Variants in NCKAP5 observed in about 807,000 individuals in gnomAD.
NCKAP5 encodes the protein nck-associated protein 5.
Under a neutral mutation model 167.0 loss-of-function variants are expected in NCKAP5, and 92 were observed. That is an observed-to-expected ratio of 0.55 (90% confidence interval 0.47 to 0.66). The LOEUF is 0.66. NCKAP5 is among the 30% of genes least tolerant of loss of function. The pLI, the probability that NCKAP5 is intolerant of heterozygous loss-of-function variation, is 0.00. For missense variants in NCKAP5, 2,378 were observed against 2,315.0 expected, an observed-to-expected ratio of 1.03 and a Z score of -0.56; for synonymous variants, 891 against 877.4, an observed-to-expected ratio of 1.02 and a Z score of -0.27.
At chr2:133,632,345 C>T in the NCKAP5 span, among the ~76,000 whole-genome samples, 8 of 151,832 alleles carry the variant, frequency 5.3e-5, no homozygotes, top group Admixed American at 1.3e-4. Context: ...TTTTTGCCTT[C>T]GGCAAATTAG....
At chr2:133,048,252 A>G (rs2079478145) in intron 6 of NCKAP5, among the ~76,000 whole-genome samples, 1 of 152,188 alleles carries the variant, frequency 6.6e-6, no homozygotes, top group Admixed American at 6.5e-5. Context: ...GAACTGGGGT[A>G]CATGTTCTAG....
At chr2:133,201,873 A>G (rs1214872554) in intron 5 of NCKAP5, among the ~76,000 whole-genome samples, 1 of 152,176 alleles carries the variant, frequency 6.6e-6, no homozygotes, top group Admixed American at 6.6e-5. Context: ...CCACTGCTCA[A>G]CGAAATAAAA....
intron 3 of NCKAP5, among the ~76,000 whole-genome samples, chr2:133,319,361 TG>T: frequency 6.6e-6 from 1 of 152,196 alleles, no homozygotes; most frequent in East Asian, 1.9e-4. Context: ...GCTGCCCTGC[TG>T]TGAAGCCTAT....
chr2:133,053,159 C>T (rs935036135), intron 6 of NCKAP5, among the ~76,000 whole-genome samples: 3 of 152,196 alleles, frequency 2.0e-5, no homozygotes, highest in Non-Finnish European at 4.4e-5. Context: ...GTAAACCATT[C>T]TTCACAGCTT....
chr2:133,510,619 C>A (rs1183884942), intron 3 of NCKAP5, among the ~76,000 whole-genome samples: 1 of 152,236 alleles, frequency 6.6e-6, no homozygotes, highest in African/African-American at 2.4e-5. Flanking sequence ...GCAGGCTCCT[C>A]AGTGGGCACA....
intron 5 of NCKAP5, 106 bp from the exon 6 acceptor site, chr2:133,130,217 T>C: frequency 1.6e-6 from 2 of 1,270,938 alleles, no homozygotes; most frequent in Non-Finnish European, 2.1e-6. Context: ...ATGAATTTCA[T>C]CCTTTGAACA....
chr2:133,418,163 G>A (rs1645275415), intron 3 of NCKAP5, among the ~76,000 whole-genome samples: 2 of 152,310 alleles, frequency 1.3e-5, no homozygotes. Context: ...ATCAGAAGCT[G>A]CTACACAGGA....
chr2:133,149,087 A>C (rs1261896805), intron 5 of NCKAP5, among the ~76,000 whole-genome samples: 1 of 152,146 alleles, frequency 6.6e-6, no homozygotes, highest in Non-Finnish European at 1.5e-5. Flanking sequence ...GAATCTAAGA[A>C]ACTGTTCATC....
intron 6 of NCKAP5, among the ~76,000 whole-genome samples, chr2:133,101,652 G>T (rs1339973593): frequency 6.6e-6 from 1 of 152,158 alleles, no homozygotes; most frequent in Non-Finnish European, 1.5e-5. Flanking sequence ...TAAAGAAACA[G>T]TGATTTACAA....
At chr2:133,287,740 C>T (rs13391016) in intron 4 of NCKAP5, among the ~76,000 whole-genome samples, 17,770 of 152,068 alleles carry the variant, frequency 0.12, 1,162 homozygotes, top group South Asian at 0.16. Context: ...GCAGGGAAGA[C>T]TGGGCCCAGG....
intron 2 of NCKAP5, among the ~76,000 whole-genome samples, chr2:133,550,676 G>C (rs559409910): frequency 0.021 from 2,532 of 120,258 alleles, 101 homozygotes; most frequent in African/African-American, 0.078. Context: ...CATTCCCTTT[G>C]AAAACTGGCA....
intron 11 of NCKAP5, among the ~76,000 whole-genome samples, chr2:132,816,346 AAGAGGGGAT>A (rs1686267719): frequency 6.6e-6 from 1 of 152,030 alleles, no homozygotes; most frequent in South Asian, 2.1e-4. Flanking sequence ...TAGCAAGCGG[AAGAGGGGAT>A]AGGTAAATGC....
intron 6 of NCKAP5, among the ~76,000 whole-genome samples, chr2:133,034,337 T>C (rs2078974504): frequency 6.6e-6 from 1 of 152,122 alleles, no homozygotes; most frequent in Non-Finnish European, 1.5e-5. Flanking sequence ...ATCTCATCAA[T>C]ACCAGGCCTG....
At chr2:133,312,033 G>A (rs1681271117) in intron 3 of NCKAP5, among the ~76,000 whole-genome samples, 1 of 152,160 alleles carries the variant, frequency 6.6e-6, no homozygotes, top group African/African-American at 2.4e-5. Flanking sequence ...TAAATCACAT[G>A]AGCTGTCAAA....
At chr2:133,308,079 A>ATTTTTTTTT in intron 3 of NCKAP5, among the ~76,000 whole-genome samples, 1 of 89,396 alleles carries the variant, frequency 1.1e-5, no homozygotes, top group Non-Finnish European at 2.2e-5. Context: ...TTATTGTTCT[A>ATTTTTTTTT]TTTTTTTTTT....
intron 8 of NCKAP5, among the ~76,000 whole-genome samples, chr2:132,953,456 T>C (rs1158603649): frequency 6.6e-6 from 1 of 152,178 alleles, no homozygotes; most frequent in Non-Finnish European, 1.5e-5. Flanking sequence ...TTTAATGTGC[T>C]TTATTTTTAT....
At chr2:132,755,091 C>T (rs1447796664) in intron 16 of NCKAP5, among the ~76,000 whole-genome samples, 1 of 152,252 alleles carries the variant, frequency 6.6e-6, no homozygotes, top group Non-Finnish European at 1.5e-5. Context: ...GAAACTGACT[C>T]ACTCCTACCT....
At chr2:132,857,096 T>A (rs776946512) in intron 11 of NCKAP5, among the ~76,000 whole-genome samples, 1 of 152,154 alleles carries the variant, frequency 6.6e-6, no homozygotes, top group Non-Finnish European at 1.5e-5. Context: ...TACTATGTAT[T>A]TGGTAAGTGA....
intron 5 of NCKAP5, among the ~76,000 whole-genome samples, chr2:133,159,044 G>T (rs2083686526): frequency 6.6e-6 from 1 of 151,946 alleles, no homozygotes; most frequent in African/African-American, 2.4e-5. Flanking sequence ...AAAATAGGAA[G>T]ATTGTTTTGG....
Sources: allele counts gnomAD v4.1 joint callset (sites outside exome capture counted in the v4.1 genomes callset), GRCh38; gene constraint gnomAD v4.1.1; transcripts MANE v1.5; gene names NCBI Gene and HGNC (gene_info 2026-07-23, HGNC 2026-07-21).